The following SP1 variants were observed in gnomAD, a reference collection of about 807,000 sequenced individuals.
The protein encoded by SP1 is transcription factor Sp1.
Under a neutral mutation model 66.3 loss-of-function variants are expected in SP1, and 6 were observed. That is an observed-to-expected ratio of 0.09 (90% CI 0.05 to 0.18). SP1 has a LOEUF of 0.18. Among genes scored for constraint, SP1 ranks in the 10% least tolerant of loss-of-function variants. The pLI is 1.00. For synonymous variants in SP1, 417 were observed against 360.8 expected, an observed-to-expected ratio of 1.16 and a Z score of -1.77; for missense variants, 848 against 964.5, an observed-to-expected ratio of 0.88 and a Z score of 1.60.
intron 3 of SP1, among the ~76,000 whole-genome samples, chr12:53,390,984 C>A (rs1223546455): frequency 6.6e-6 from 1 of 151,866 alleles, no homozygotes; most frequent in Non-Finnish European, 1.5e-5. Flanking sequence ...CTTTTTTTTA[C>A]CCTCTTTGAA....
At chr12:53,409,215 A>ACC in intron 4 of SP1, 147 bp from the exon 5 acceptor site, 1 of 618,864 alleles carries the variant, frequency 1.6e-6, no homozygotes, top group Non-Finnish European at 2.8e-6. Context: ...ACAGAGTGAG[A>ACC]CTCTCTCAAA....
chr12:53,395,628 T>C (rs1938471595), intron 3 of SP1, among the ~76,000 whole-genome samples: 1 of 152,128 alleles, frequency 6.6e-6, no homozygotes, highest in South Asian at 2.1e-4. Context: ...ATTGAACATT[T>C]ATTATGTGCC....
At chr12:53,400,132 A>G (rs886596902) in intron 3 of SP1, among the ~76,000 whole-genome samples, 4 of 152,154 alleles carry the variant, frequency 2.6e-5, no homozygotes, top group African/African-American at 9.7e-5. Context: ...TGATCATCCA[A>G]CAAAGAAACA....
chr12:53,411,975 C>G lies in SP1; in HGVS notation c.*735C>G, dbSNP rs1938899320. The G allele has an allele frequency of 6.6e-6, 1 of 152,390 alleles. No homozygotes were observed. Among genetic ancestry groups the G allele is most frequent in the Middle Eastern group, 3.4e-3 (1 of 294 alleles). 9.4% of individuals were successfully genotyped at this position (152,390 alleles called of 1,614,324 possible). A position where few individuals can be genotyped will look rare whatever the true frequency, so the allele number is the denominator to read the frequency against. ...CTCAACTGTTGCCGTCTCATCTTCT[C>G]TCATCTGATCACTTCATGTTTTGTT... On this transcript the variant is annotated 3_prime_UTR_variant, in exon 6 of 6. Coordinates refer to ENST00000327443, the MANE Select transcript of SP1 (RefSeq NM_138473.3).
chr12:53,392,364 TTTTTTTTTTTG>T (rs1938372725), intron 3 of SP1, among the ~76,000 whole-genome samples: 1 of 139,470 alleles, frequency 7.2e-6, no homozygotes, highest in Non-Finnish European at 1.6e-5. Context: ...TTTTTTTTTT[TTTTTTTTTTTG>T]AGACGGAGTC....
At chr12:53,407,164 G>C (rs1938760771) in intron 4 of SP1, among the ~76,000 whole-genome samples, 1 of 150,618 alleles carries the variant, frequency 6.6e-6, no homozygotes, top group African/African-American at 2.4e-5. Context: ...CTCAGAGCTG[G>C]ATGCATATAA....
Position 53,412,703 on chromosome 12 carries a change from T to G in SP1, c.*1463T>G, listed in dbSNP as rs1189835590. On this transcript the variant is annotated 3_prime_UTR_variant, in exon 6 of 6. Coordinates refer to ENST00000327443, the MANE Select transcript of SP1 (RefSeq NM_138473.3). The stretch of plus-strand genomic sequence containing the variant: ...AAAAAGAAATCTTGTCTTACCACAG[T>G]GTTTTATAGGAGAGATTGGGAGAAA... 6.6e-6 allele frequency: 1 copy of G among 152,564 alleles called. No homozygotes were observed. The highest frequency in any genetic ancestry group is 1.5e-5 in the Non-Finnish European group (1 of 68,044). The allele number at this position is 152,564 out of a possible 1,614,324, so 9.5% of individuals were successfully genotyped here. A position where few individuals can be genotyped will look rare whatever the true frequency, so the allele number is the denominator to read the frequency against.
intron 3 of SP1, among the ~76,000 whole-genome samples, chr12:53,393,314 T>A (rs1018778475): frequency 2.0e-5 from 3 of 152,098 alleles, no homozygotes; most frequent in African/African-American, 7.2e-5. Flanking sequence ...TTTCTTTTTT[T>A]TGAGACGGAG....
intron 3 of SP1, among the ~76,000 whole-genome samples, chr12:53,400,050 A>C (rs994725551): frequency 6.6e-6 from 1 of 152,152 alleles, no homozygotes. Context: ...AGTGTGAGCC[A>C]CCGGTCCCGG....
chr12:53,382,163 G>C lies in SP1; in HGVS notation c.216G>C (p.Glu72Asp). Reference sequence around the variant, plus strand: ...TGGCAGCAACTTGCAGCAGAATTGAGTCACCCAATGAGAACAGCAACAACT... The same window carrying C: ...TGGCAGCAACTTGCAGCAGAATTGACTCACCCAATGAGAACAGCAACAACT... ...ALLAATCSRI[E>D]SPNENSNNSQ... is the part of the protein sequence containing the mutation. The change falls in exon 3 of 6, where the codon GAG (glutamate) becomes GAC (aspartate). Residue 72 changes from glutamate to aspartate, a missense_variant. Coordinates refer to ENST00000327443, the MANE Select transcript of SP1 (RefSeq NM_138473.3). 1 of 1,614,150 alleles carries C rather than the reference G, an allele frequency of 6.2e-7. No individual in the cohort carries two copies. The highest frequency in any genetic ancestry group is 8.5e-7 in the Non-Finnish European group (1 of 1,180,024).
Position 53,413,218 on chromosome 12 carries a change from A to G in SP1, c.*1978A>G, listed in dbSNP as rs919442920. 1 of 152,474 alleles carries G rather than the reference A, an allele frequency of 6.6e-6. No individual in the cohort carries two copies. Among genetic ancestry groups the G allele is most frequent in the Non-Finnish European group, 1.5e-5 (1 of 68,024 alleles). The allele number at this position is 152,474 out of a possible 1,614,324, so 9.4% of individuals were successfully genotyped here. ...AAAACCTGGGTATGTTCCTAAGGTCATTTCTTTGCTTATGCTAAATTAATT... is the reference window on the plus strand; with the variant it reads ...AAAACCTGGGTATGTTCCTAAGGTCGTTTCTTTGCTTATGCTAAATTAATT... On this transcript the variant is annotated 3_prime_UTR_variant, in exon 6 of 6. Transcript: ENST00000327443.
Position 53,409,536 on chromosome 12 carries a change from A to G in SP1, c.2019A>G (p.Leu673=). The change falls in exon 5 of 6, where the codon CTA becomes CTG. Residue 673 remains leucine (L), a synonymous_variant. Coordinates refer to ENST00000327443, the MANE Select transcript of SP1 (RefSeq NM_138473.3). ...AACGCTTCACACGTTCGGATGAGCT[A>G]CAGAGGCACAAACGTACACACACAG... ...CGKRFTRSDE[L]QRHKRTHTGE... 2.5e-6 allele frequency: 4 copies of G among 1,614,218 alleles called. No individual in the cohort carries two copies. The South Asian group carries it at 3.3e-5, about 13-fold the overall frequency.
chr12:53,406,573 T>C lies in SP1; in HGVS notation c.1676-12T>C, dbSNP rs1938743420. On this transcript the variant is annotated splice_polypyrimidine_tract_variant and intron_variant, in intron 3 of 5. Transcript: ENST00000327443. Reference sequence around the variant, plus strand: ...CATGTCACATGTTGACCCTTTTCTCTCTTAATTTCAGGTGATCATGGAGCT... The same window carrying C: ...CATGTCACATGTTGACCCTTTTCTCCCTTAATTTCAGGTGATCATGGAGCT... The C allele has an allele frequency of 6.2e-7, 1 of 1,612,708 alleles. No homozygotes were observed. The highest frequency in any genetic ancestry group is 1.1e-5 in the South Asian group (1 of 91,060).
rs747190298 is a variant in SP1 at position 53,409,566 on chromosome 12, GC to G, written c.2044+6del. 2.7e-5 allele frequency: 44 copies of G among 1,612,240 alleles called. No homozygotes were observed. The highest frequency in any genetic ancestry group is 3.0e-5 in the Non-Finnish European group (35 of 1,178,400). Reference sequence around the variant, plus strand: ...GGCACAAACGTACACACACAGGTGAGCAAGAGCCTATGGGAGAGAAAAATAG... The same window carrying G: ...GGCACAAACGTACACACACAGGTGAGAAGAGCCTATGGGAGAGAAAAATAG... On this transcript the variant is annotated splice_donor_region_variant and intron_variant, in intron 5 of 5. Coordinates refer to ENST00000327443, the MANE Select transcript of SP1 (RefSeq NM_138473.3).
chr12:53,410,988 A>G lies in SP1; in HGVS notation c.2106A>G (p.Ser702=), dbSNP rs970335570. The part of the protein sequence containing the change: ...PKRFMRSDHL[S]KHIKTHQNKK... ...GCTTCATGAGGAGTGACCACCTGTC[A>G]AAACATATCAAGACCCACCAGAATA... is the stretch of plus-strand genomic sequence containing the variant. Residue 702 remains serine, a synonymous_variant, in exon 6 of 6, where the codon TCA becomes TCG. Transcript: ENST00000327443. The G allele has an allele frequency of 2.5e-6, 4 of 1,614,190 alleles. No individual in the cohort carries two copies. The Admixed American group carries it at 5.0e-5, about 20-fold the overall frequency.
intron 5 of SP1, 104 bp downstream of exon 5, chr12:53,409,665 C>A: frequency 3.2e-6 from 3 of 946,858 alleles, no homozygotes; most frequent in Non-Finnish European, 4.9e-6. Context: ...TAATTTGAAA[C>A]TGAATATATG....
chr12:53,402,962 C>G (rs1170733262), intron 3 of SP1, among the ~76,000 whole-genome samples: 1 of 149,932 alleles, frequency 6.7e-6, no homozygotes, highest in African/African-American at 2.5e-5. Flanking sequence ...GACAGAGATT[C>G]CATCTCAGAA....
intron 1 of SP1, among the ~76,000 whole-genome samples, chr12:53,380,990 TACCCAGACTGGA>T (rs1938083731): frequency 6.8e-6 from 1 of 147,066 alleles, no homozygotes; most frequent in Non-Finnish European, 1.5e-5. Flanking sequence ...TCGCTCTTGT[TACCCAGACTGGA>T]ATGCAATGGT....
chr12:53,385,262 C>G (rs1421287114), intron 3 of SP1, among the ~76,000 whole-genome samples: 1 of 151,264 alleles, frequency 6.6e-6, no homozygotes, highest in Non-Finnish European at 1.5e-5. Context: ...TCACTGCACT[C>G]CAGCCTGGTT....
Sources: allele counts gnomAD v4.1 joint callset (sites outside exome capture counted in the v4.1 genomes callset), GRCh38; gene constraint gnomAD v4.1.1; transcripts MANE v1.5; gene names NCBI Gene and HGNC (gene_info 2026-07-23, HGNC 2026-07-21).